Variants in PHF3 observed in about 807,000 individuals in gnomAD.
PHF3 encodes the protein PHD finger protein 3.
In PHF3, 41 loss-of-function variants were observed where a neutral mutation model predicts 178.4. The ratio of observed to expected loss-of-function variants is 0.23; its 90% CI spans 0.18 to 0.30. The LOEUF (loss-of-function observed/expected upper bound fraction) is 0.30, where lower values mean the gene tolerates loss of function less well. Ranked by LOEUF, PHF3 falls within the 10% of genes least tolerant of loss-of-function variation. PHF3 has a pLI of 1.00. For missense variants in PHF3, 2,346 were observed against 2,398.1 expected (o/e 0.98, Z 0.45); for synonymous variants, 842 against 800.5 (o/e 1.05, Z -0.88).
chr6:63,655,729 A>T (rs1582015865), intron 2 of PHF3, among the ~76,000 whole-genome samples: 2 of 152,138 alleles, frequency 1.3e-5, no homozygotes. Flanking sequence ...AATTGCTCTC[A>T]GTTCGGTTTG....
At position 63,654,177 on chromosome 6, in the gene PHF3, G is replaced by T. The variant is rs1197982; in HGVS notation, c.244+7382G>T. ...TTCCCTCCTCTTCAATTTTCTGGAAGAATTTGAGAATTGGTATTTGTTCTT... is the reference window on the plus strand; with the variant it reads ...TTCCCTCCTCTTCAATTTTCTGGAATAATTTGAGAATTGGTATTTGTTCTT... On this transcript the variant is annotated intron_variant, in intron 2 of 15. Transcript: ENST00000262043. 6.4e-3 allele frequency among the ~76,000 whole-genome samples: 969 copies of T among 152,262 alleles called. 9 individuals are homozygous for T. Among genetic ancestry groups the T allele is most frequent in the African/African-American group, 0.022 (906 of 41,554 alleles).
rs756122936 is a variant in PHF3, at chr6:63,713,599, A to G, written c.6011A>G (p.Tyr2004Cys). ...CCAGATAAACCTAAAAGTGAAGACT[A>G]TGAGAAGGACAAAGAACGAGAGAAA... is the stretch of plus-strand genomic sequence containing the variant. Reference protein sequence around the residue: ...KKPDKPKSEDYEKDKEREKSK... With the variant: ...KKPDKPKSEDCEKDKEREKSK... The change falls in exon 16 of 16, where the codon TAT becomes TGT. Residue 2004 changes from tyrosine (Y) to cysteine (C), a missense_variant. By Grantham distance (194) the Tyr-to-Cys change is radical. Coordinates refer to ENST00000262043, the MANE Select transcript of PHF3 (RefSeq NM_001370348.2). 4.3e-6 allele frequency: 7 copies of G among 1,613,700 alleles called. No homozygotes were observed. Among genetic ancestry groups the G allele is most frequent in the South Asian group, 1.1e-5 (1 of 91,072 alleles).
chr6:63,711,547 G>GA (rs1767925743), intron 15 of PHF3, 39 bp from the exon 16 acceptor site: 1 of 1,509,756 alleles, frequency 6.6e-7, no homozygotes, highest in Non-Finnish European at 8.9e-7. Flanking sequence ...TGCAATGATT[G>GA]AAAATGATGA....
At chr6:63,689,543 AGT>A (rs745436686) in intron 4 of PHF3, among the ~76,000 whole-genome samples, 3 of 152,238 alleles carry the variant, frequency 2.0e-5, no homozygotes, top group Non-Finnish European at 4.4e-5. Context: ...ATCTTAGAAG[AGT>A]GAGTCTTTTC....
In PHF3 at chr6:63,685,628, G is replaced by A. The variant is rs1173476974; in HGVS notation, c.1906G>A (p.Ala636Thr). The A allele has an allele frequency of 6.2e-7, 1 of 1,614,026 alleles. No individual in the cohort carries two copies. The highest frequency in any genetic ancestry group is 1.7e-5 in the Admixed American group (1 of 60,010). ...QCHKPQQQAPAMKTNSHVKEE... is the reference protein window; with the variant it reads ...QCHKPQQQAPTMKTNSHVKEE... ...TCATAAGCCTCAGCAACAGGCCCCA[G>A]CAATGAAAACCAATAGTCACGTGAA... The change falls in exon 4 of 16, where the codon GCA (alanine) becomes ACA (threonine). Residue 636 changes from alanine (A) to threonine (T), a missense_variant. Physicochemically the swap from Ala to Thr is moderately conservative, Grantham distance 58. This residue lies in a region of PHF3 where 843 missense variants were observed against 795.2 expected (regional missense o/e 1.06). Transcript: ENST00000262043.
chr6:63,712,048 T>C lies in PHF3; in HGVS notation c.4460T>C (p.Val1487Ala), dbSNP rs757856601. Residue 1487 changes from valine to alanine, a missense_variant, in exon 16 of 16, where the codon GTG becomes GCG. Around this residue, in one of 8 missense-constraint regions of PHF3, gnomAD observed 839 missense variants for 806.9 expected, o/e 1.04. Transcript: ENST00000262043. ...TGQVYDQAQS[V>A]MEQNTVKEIP... ...CAAGTATATGACCAGGCCCAGTCAG[T>C]GATGGAACAAAACACTGTTAAAGAA... 9 of 1,613,716 alleles carry C rather than the reference T, an allele frequency of 5.6e-6. No homozygotes were observed. Among genetic ancestry groups the C allele is most frequent in the Non-Finnish European group, 6.8e-6 (8 of 1,179,934 alleles).
chr6:63,675,743 C>G (rs1029932301), intron 2 of PHF3, among the ~76,000 whole-genome samples: 2 of 152,180 alleles, frequency 1.3e-5, no homozygotes, highest in Non-Finnish European at 2.9e-5. Flanking sequence ...CAAGTCATCA[C>G]TTACCTTCCA....
Position 63,712,342 on chromosome 6 carries a change from CTG to C in PHF3, c.4757_4758del (p.Val1586GlyfsTer3), listed in dbSNP as rs1317750682. 1 of 1,613,272 alleles carries C rather than the reference CTG, an allele frequency of 6.2e-7. No homozygotes were observed. Among genetic ancestry groups the C allele is most frequent in the South Asian group, 1.1e-5 (1 of 90,984 alleles). On this transcript the variant is annotated frameshift_variant, in exon 16 of 16. Coordinates refer to ENST00000262043, the MANE Select transcript of PHF3 (RefSeq NM_001370348.2). LOFTEE classifies it high-confidence loss of function. ...TCAATTCAGTCAAAACAAGAGGAAA[CTG>C]TGGAGAGTAAAGAGAAAACATTAAA...
At position 63,702,670 on chromosome 6, in the gene PHF3, C is replaced by G. The variant is rs892678331; in HGVS notation, c.3231+31C>G. On this transcript the variant is annotated intron_variant, in intron 10 of 15. Coordinates refer to ENST00000262043, the MANE Select transcript of PHF3 (RefSeq NM_001370348.2). ...GATAGATATGCCATGTTTTATAGCT[C>G]AAAACATGAAGATTCAGAAAAGGTT... 4 of 1,562,246 alleles carry G rather than the reference C, an allele frequency of 2.6e-6. No individual in the cohort carries two copies. In the African/African-American group the frequency reaches 4.1e-5, roughly 16 times the overall value.
chr6:63,698,459 T>C lies in PHF3; in HGVS notation c.2836T>C (p.Ser946Pro). Residue 946 changes from serine (S) to proline (P), a missense_variant, in exon 8 of 16, where the codon TCA becomes CCA. Physicochemically the swap from Ser to Pro is moderately conservative, Grantham distance 74. Transcript: ENST00000262043. ...TGTTCTAATTTTAAGACTTACAGAC[T>C]CAAATTTGAAGGTACCAGAGGAAAA... ...KDILMKRLTD[S>P]NLKVPEEKAA... 6.3e-7 allele frequency: 1 copy of C among 1,592,874 alleles called. No individual in the cohort carries two copies. The highest frequency in any genetic ancestry group is 8.5e-7 in the Non-Finnish European group (1 of 1,171,856).
At chr6:63,705,050 A>C (rs1184979692) in intron 11 of PHF3, among the ~76,000 whole-genome samples, 1 of 152,144 alleles carries the variant, frequency 6.6e-6, no homozygotes, top group East Asian at 1.9e-4. Context: ...TTTCATGCTT[A>C]TATGCCACCT....
At chr6:63,677,593 T>A (rs926164757) in intron 2 of PHF3, among the ~76,000 whole-genome samples, 1 of 152,236 alleles carries the variant, frequency 6.6e-6, no homozygotes, top group African/African-American at 2.4e-5. Flanking sequence ...TCACTCCCTG[T>A]CAACAAACAC....
At chr6:63,683,995 A>C (rs1766553203) in intron 3 of PHF3, 134 bp from the exon 4 acceptor site, 2 of 598,692 alleles carry the variant, frequency 3.3e-6, no homozygotes, top group African/African-American at 1.9e-5. Flanking sequence ...CACCATTATG[A>C]GTACTGTTCA....
chr6:63,706,023 G>A lies in PHF3; in HGVS notation c.3368-6G>A. ...GTTGGTTTCTTTTGATGTATTCTGGGCTTAGGTCGAATGGCACCACCTGTA... is the reference window on the plus strand; with the variant it reads ...GTTGGTTTCTTTTGATGTATTCTGGACTTAGGTCGAATGGCACCACCTGTA... On this transcript the variant is annotated splice_region_variant and splice_polypyrimidine_tract_variant and intron_variant, in intron 11 of 15. Coordinates refer to ENST00000262043, the MANE Select transcript of PHF3 (RefSeq NM_001370348.2). 2 of 1,607,320 alleles carry A rather than the reference G, an allele frequency of 1.2e-6. No individual in the cohort carries two copies. The highest frequency in any genetic ancestry group is 1.7e-6 in the Non-Finnish European group (2 of 1,177,524).
rs1342574931 is a variant in PHF3 at position 63,716,341 on chromosome 6, T to C, written c.*2633T>C. Among the ~76,000 whole-genome samples, 1 of 152,164 alleles carries C rather than the reference T, an allele frequency of 6.6e-6. No homozygotes were observed. Among genetic ancestry groups the C allele is most frequent in the East Asian group, 1.9e-4 (1 of 5,188 alleles). On this transcript the variant is annotated 3_prime_UTR_variant, in exon 16 of 16. Coordinates refer to ENST00000262043, the MANE Select transcript of PHF3 (RefSeq NM_001370348.2). ...AAGAAGCAAAAGCCTGATGATCATATATACCTTTCATAGCCCTCTTTCTTT... is the reference window on the plus strand; with the variant it reads ...AAGAAGCAAAAGCCTGATGATCATACATACCTTTCATAGCCCTCTTTCTTT...
In PHF3 at chr6:63,722,844, G is replaced by C. The variant is rs553015545; in HGVS notation, c.*9136G>C. 6.6e-6 allele frequency among the ~76,000 whole-genome samples: 1 copy of C among 152,322 alleles called. No individual in the cohort carries two copies. The highest frequency in any genetic ancestry group is 1.5e-5 in the Non-Finnish European group (1 of 68,032). The stretch of plus-strand genomic sequence containing the variant: ...TCTAGACTGGTTGGAATGTTTGGCA[G>C]CTCTATAGTTCTTCACCTATCAAAC... On this transcript the variant is annotated 3_prime_UTR_variant, in exon 16 of 16. Transcript: ENST00000262043.
chr6:63,667,103 C>G (rs1033745482), intron 2 of PHF3, among the ~76,000 whole-genome samples: 2 of 152,012 alleles, frequency 1.3e-5, no homozygotes, highest in Non-Finnish European at 2.9e-5. Flanking sequence ...CCTTGGCCTT[C>G]GAAAGTGCTG....
chr6:63,707,819 G>A (rs1767757465), intron 13 of PHF3, among the ~76,000 whole-genome samples: 1 of 150,440 alleles, frequency 6.6e-6, no homozygotes, highest in Non-Finnish European at 1.5e-5. Flanking sequence ...ATGTAATATT[G>A]ATCAGTTTAT....
intron 1 of PHF3, among the ~76,000 whole-genome samples, chr6:63,638,944 A>T (rs1188789115): frequency 6.6e-6 from 1 of 152,218 alleles, no homozygotes; most frequent in East Asian, 1.9e-4. Context: ...CATACATGAG[A>T]CCCTGAGGCT....
Sources: allele counts gnomAD v4.1 joint callset (sites outside exome capture counted in the v4.1 genomes callset), GRCh38; gene constraint gnomAD v4.1.1; regional missense constraint gnomAD v4.1.1; transcripts MANE v1.5; gene names NCBI Gene and HGNC (gene_info 2026-07-23, HGNC 2026-07-21).